The following MCTP1 variants were observed in gnomAD, a reference collection of about 807,000 sequenced individuals.
MCTP1 encodes multiple C2 and transmembrane domain-containing protein 1.
A neutral mutation model predicts 120.6 loss-of-function variants in MCTP1; 69 were observed. That is an observed-to-expected ratio of 0.57 (90% CI 0.47 to 0.70). The LOEUF (loss-of-function observed/expected upper bound fraction) is 0.70, where lower values mean the gene tolerates loss of function less well. MCTP1 is among the 30% of genes least tolerant of loss of function. The pLI, the probability that MCTP1 is intolerant of heterozygous loss-of-function variation, is 0.00. For missense variants in MCTP1, 1,203 were observed against 1,248.8 expected (o/e 0.96, Z 0.55); for synonymous variants, 529 against 493.1 (o/e 1.07, Z -0.96).
In MCTP1 at chr5:94,732,508, C is replaced by T. The variant is rs1273712772; in HGVS notation, c.2611-17622G>A. On this transcript the variant is annotated intron_variant, in intron 19 of 22. Transcript: ENST00000515393. Reference sequence around the variant, plus strand: ...TTAAAAAATTTAAGAAACTTTTTAGCTGCTTAAAAAATTAGTCAAATCATC... The same window carrying T: ...TTAAAAAATTTAAGAAACTTTTTAGTTGCTTAAAAAATTAGTCAAATCATC... 7.2e-5 allele frequency among the ~76,000 whole-genome samples: 11 copies of T among 152,150 alleles called. 1 individual carries two copies. The highest frequency in any genetic ancestry group is 7.2e-4 in the Admixed American group (11 of 15,274).
chr5:95,108,758 A>C (rs1757268201), intron 1 of MCTP1, among the ~76,000 whole-genome samples: 1 of 152,192 alleles, frequency 6.6e-6, no homozygotes, highest in Non-Finnish European at 1.5e-5. Flanking sequence ...CCTCATACCT[A>C]GTGGATGCTG....
At chr5:95,258,425 C>A (rs1429507964) in intron 1 of MCTP1, among the ~76,000 whole-genome samples, 1 of 152,098 alleles carries the variant, frequency 6.6e-6, no homozygotes. Flanking sequence ...TCAAGGTCAT[C>A]AAAAACAAGA....
intron 5 of MCTP1, among the ~76,000 whole-genome samples, chr5:94,938,560 A>G (rs1816780315): frequency 6.6e-6 from 1 of 151,884 alleles, no homozygotes; most frequent in Non-Finnish European, 1.5e-5. Flanking sequence ...GGCTAGTAAA[A>G]ATTTTCCTAT....
intron 1 of MCTP1, among the ~76,000 whole-genome samples, chr5:95,241,288 T>C (rs912940613): frequency 2.6e-5 from 4 of 152,196 alleles, no homozygotes; most frequent in Non-Finnish European, 5.9e-5. Context: ...TCAAGATCTT[T>C]CTCACATCTC....
chr5:95,272,567 G>A (rs1759494221), intron 1 of MCTP1, among the ~76,000 whole-genome samples: 1 of 152,166 alleles, frequency 6.6e-6, no homozygotes, highest in African/African-American at 2.4e-5. Flanking sequence ...ATGCTCAGCA[G>A]GAAAAAGTTG....
intron 10 of MCTP1, among the ~76,000 whole-genome samples, chr5:94,896,873 C>T (rs571234077): frequency 2.6e-4 from 40 of 152,068 alleles, no homozygotes; most frequent in Non-Finnish European, 5.1e-4. Flanking sequence ...AAACTGAGGG[C>T]CAGGGAGGGT....
intron 1 of MCTP1, among the ~76,000 whole-genome samples, chr5:95,100,957 T>C (rs1030107535): frequency 1.3e-5 from 2 of 152,160 alleles, no homozygotes; most frequent in Non-Finnish European, 2.9e-5. Flanking sequence ...GATTCCTAAA[T>C]AAATGTCTGA....
At chr5:95,089,868 A>G (rs561915757) in intron 1 of MCTP1, among the ~76,000 whole-genome samples, 6 of 152,278 alleles carry the variant, frequency 3.9e-5, no homozygotes, top group South Asian at 2.1e-4. Flanking sequence ...AAACAGTCCA[A>G]TCATTTTTGC....
intron 3 of MCTP1, among the ~76,000 whole-genome samples, chr5:94,950,206 C>G (rs1331866944): frequency 1.3e-5 from 2 of 151,794 alleles, no homozygotes; most frequent in East Asian, 1.9e-4. Context: ...ATCTCAGAGA[C>G]TTGTATGATT....
chr5:94,921,198 T>C (rs1811560204), intron 7 of MCTP1, among the ~76,000 whole-genome samples: 1 of 152,204 alleles, frequency 6.6e-6, no homozygotes, highest in South Asian at 2.1e-4. Context: ...ATTCACATAA[T>C]TTTTATTGTT....
intron 1 of MCTP1, among the ~76,000 whole-genome samples, chr5:95,264,793 T>G (rs1377706046): frequency 1.3e-5 from 2 of 152,114 alleles, no homozygotes; most frequent in African/African-American, 4.8e-5. Context: ...GAGGAGGATG[T>G]GTGCCTAGAG....
intron 12 of MCTP1, among the ~76,000 whole-genome samples, chr5:94,885,367 C>T (rs550312141): frequency 4.6e-5 from 7 of 151,112 alleles, no homozygotes; most frequent in Non-Finnish European, 1.0e-4. Context: ...AGGGGAGGGG[C>T]GGAGGAGAAG....
At chr5:95,118,114 T>A (rs2347483) in intron 1 of MCTP1, among the ~76,000 whole-genome samples, 125,454 of 152,132 alleles carry the variant, frequency 0.82, 52,857 homozygotes, top group Non-Finnish European at 0.91. Flanking sequence ...GCACCAAACC[T>A]CCATGGCACA....
At chr5:94,858,072 G>A (rs1193829641) in intron 17 of MCTP1, among the ~76,000 whole-genome samples, 3 of 151,578 alleles carry the variant, frequency 2.0e-5, no homozygotes, top group African/African-American at 7.3e-5. Flanking sequence ...TTTAGGCCAC[G>A]GACAGGTTCA....
At chr5:94,815,471 G>C (rs939426947) in intron 17 of MCTP1, among the ~76,000 whole-genome samples, 3 of 152,158 alleles carry the variant, frequency 2.0e-5, no homozygotes, top group African/African-American at 7.2e-5. Context: ...ATCTCCCAGG[G>C]AGACAGGTGT....
At chr5:94,748,903 G>A (rs1561568391) in intron 19 of MCTP1, among the ~76,000 whole-genome samples, 1 of 150,744 alleles carries the variant, frequency 6.6e-6, no homozygotes, top group Non-Finnish European at 1.5e-5. Context: ...TACACAGACT[G>A]GCCACCGTCT....
chr5:94,992,150 C>T (rs994574811), intron 2 of MCTP1, among the ~76,000 whole-genome samples: 4 of 152,054 alleles, frequency 2.6e-5, no homozygotes, highest in South Asian at 2.1e-4. Flanking sequence ...TACAATGCCG[C>T]GTGCCAGAGC....
intron 2 of MCTP1, among the ~76,000 whole-genome samples, chr5:94,966,588 G>T (rs1825660859): frequency 6.6e-6 from 1 of 152,132 alleles, no homozygotes; most frequent in Admixed American, 6.5e-5. Flanking sequence ...AAGGTCAGGA[G>T]ATCAAGACCA....
chr5:94,774,202 C>T (rs1338217454), intron 19 of MCTP1, among the ~76,000 whole-genome samples: 2 of 16,492 alleles, frequency 1.2e-4, no homozygotes, highest in African/African-American at 7.5e-4. Flanking sequence ...AGCAAGACTC[C>T]GTCTCAAAAA....
Sources: gnomAD v4.1 joint callset for allele counts (sites outside exome capture counted in the v4.1 genomes callset) on GRCh38, gnomAD v4.1.1 for gene constraint, MANE v1.5 for transcripts, NCBI Gene and HGNC (gene_info 2026-07-23, HGNC 2026-07-21) for gene names.